The following PCDH9 variants were observed in gnomAD, a reference collection of about 807,000 sequenced individuals.
PCDH9 encodes the protein protocadherin-9.
A neutral mutation model predicts 70.6 loss-of-function variants in PCDH9; 24 were observed. That is an observed-to-expected ratio of 0.34 (90% CI 0.25 to 0.48). The LOEUF is 0.48. Among genes scored for constraint, PCDH9 ranks in the 20% least tolerant of loss-of-function variants. The probability of loss-of-function intolerance (pLI) is 0.99; values close to 1 mark genes in which losing one functional copy is unlikely to be tolerated. For missense variants in PCDH9, 1,281 were observed against 1,503.6 expected, an observed-to-expected ratio of 0.85 and a Z score of 2.45; for synonymous variants, 562 against 558.5, an observed-to-expected ratio of 1.01 and a Z score of -0.09.
intron 2 of PCDH9, among the ~76,000 whole-genome samples, chr13:67,010,831 G>A (rs1342629149): frequency 1.3e-5 from 2 of 151,776 alleles, no homozygotes; most frequent in African/African-American, 2.4e-5. Flanking sequence ...GAAACTAGTG[G>A]GTAAAGTAAA....
Position 67,028,012 on chromosome 13 carries a change from G to A in PCDH9, c.3037-124407C>T, listed in dbSNP as rs1369731688. 2.6e-3 allele frequency among the ~76,000 whole-genome samples: 383 copies of A among 148,636 alleles called. 1 individual carries two copies. Among genetic ancestry groups the A allele is most frequent in the African/African-American group, 8.5e-3 (343 of 40,130 alleles). ...CAACCATTGTGGAAGTCAGTGTGGC[G>A]ATTCCTCAGGGATCTAGAACTAGAA... On this transcript the variant is annotated intron_variant, in intron 2 of 4. Coordinates refer to ENST00000377865, the MANE Select transcript of PCDH9 (RefSeq NM_203487.3).
chr13:67,164,298 C>T (rs754054873), intron 2 of PCDH9, among the ~76,000 whole-genome samples: 3 of 151,992 alleles, frequency 2.0e-5, no homozygotes, highest in South Asian at 4.2e-4. Context: ...GAATATACGC[C>T]GGGCGCGGTG....
At chr13:66,776,020 T>G (rs1166898605) in intron 3 of PCDH9, among the ~76,000 whole-genome samples, 1 of 152,200 alleles carries the variant, frequency 6.6e-6, no homozygotes, top group Non-Finnish European at 1.5e-5. Flanking sequence ...TCAGGTCATT[T>G]GACACACTGC....
chr13:66,930,547 T>C (rs991276845), intron 2 of PCDH9, among the ~76,000 whole-genome samples: 1 of 152,122 alleles, frequency 6.6e-6, no homozygotes, highest in African/African-American at 2.4e-5. Context: ...ATGAAACCAT[T>C]TTTACAAGAT....
At chr13:66,609,826 A>T (rs2077268544) in intron 4 of PCDH9, among the ~76,000 whole-genome samples, 1 of 152,160 alleles carries the variant, frequency 6.6e-6, no homozygotes, top group African/African-American at 2.4e-5. Flanking sequence ...CTTCATTCAT[A>T]AAAATATACA....
intron 3 of PCDH9, among the ~76,000 whole-genome samples, chr13:66,785,415 A>C (rs1285384855): frequency 7.2e-5 from 11 of 151,942 alleles, no homozygotes; most frequent in Admixed American, 5.3e-4. Context: ...CCTTTACTCA[A>C]AAAGGTCACT....
At chr13:67,061,411 A>C (rs116431252) in intron 2 of PCDH9, among the ~76,000 whole-genome samples, 6,966 of 151,734 alleles carry the variant, frequency 0.046, 216 homozygotes, top group South Asian at 0.085. Context: ...CTCTCTCTCT[A>C]TATATATATG....
intron 4 of PCDH9, among the ~76,000 whole-genome samples, chr13:66,316,017 G>A (rs1955645891): frequency 6.6e-6 from 1 of 152,154 alleles, no homozygotes; most frequent in Admixed American, 6.5e-5. Context: ...TAGAAATTCT[G>A]AGGAAAGAAT....
At chr13:66,417,392 G>A (rs1389626770) in intron 4 of PCDH9, among the ~76,000 whole-genome samples, 1 of 152,170 alleles carries the variant, frequency 6.6e-6, no homozygotes, top group Non-Finnish European at 1.5e-5. Context: ...ATTCCATGGT[G>A]TATATGTGCC....
chr13:66,496,960 T>C (rs1188394410), intron 4 of PCDH9, among the ~76,000 whole-genome samples: 4 of 152,228 alleles, frequency 2.6e-5, no homozygotes, highest in Admixed American at 1.3e-4. Flanking sequence ...CAAGGCCACA[T>C]GATTTATGTA....
intron 3 of PCDH9, among the ~76,000 whole-genome samples, chr13:66,633,323 T>C (rs1208864753): frequency 1.3e-5 from 2 of 152,186 alleles, no homozygotes; most frequent in Non-Finnish European, 2.9e-5. Context: ...GTGAGTGCTA[T>C]AGAAAAGGCA....
At chr13:67,130,751 C>G (rs749324370) in intron 2 of PCDH9, among the ~76,000 whole-genome samples, 6 of 152,140 alleles carry the variant, frequency 3.9e-5, no homozygotes, top group Non-Finnish European at 8.8e-5. Context: ...TCCTGCCAGG[C>G]AGCAAGCCAT....
chr13:66,534,997 T>C (rs1960633695), intron 4 of PCDH9, among the ~76,000 whole-genome samples: 1 of 152,054 alleles, frequency 6.6e-6, no homozygotes, highest in Non-Finnish European at 1.5e-5. Context: ...GCTCCCAAAG[T>C]ACTAAATGGC....
At chr13:66,909,642 G>A (rs539404597) in intron 2 of PCDH9, among the ~76,000 whole-genome samples, 106 of 152,142 alleles carry the variant, frequency 7.0e-4, no homozygotes, top group African/African-American at 2.3e-3. Context: ...GGTGGCGGGC[G>A]CCTGTAGTCC....
chr13:66,979,639 T>C (rs935327421), intron 2 of PCDH9, among the ~76,000 whole-genome samples: 1 of 152,102 alleles, frequency 6.6e-6, no homozygotes, highest in African/African-American at 2.4e-5. Flanking sequence ...TCCTTCAAGA[T>C]CTCTACTTTC....
intron 3 of PCDH9, among the ~76,000 whole-genome samples, chr13:66,657,498 T>C: frequency 6.6e-6 from 1 of 152,274 alleles, no homozygotes; most frequent in South Asian, 2.1e-4. Flanking sequence ...GTCACAAGCA[T>C]AGTTTTTGCC....
intron 3 of PCDH9, among the ~76,000 whole-genome samples, chr13:66,836,562 A>ACCT (rs750751618): frequency 2.0e-5 from 3 of 152,122 alleles, no homozygotes; most frequent in African/African-American, 4.8e-5. Context: ...TTCTCTGTGC[A>ACCT]CCTACATCAG....
intron 2 of PCDH9, among the ~76,000 whole-genome samples, chr13:67,099,919 A>G (rs2086397319): frequency 6.6e-6 from 1 of 152,146 alleles, no homozygotes; most frequent in African/African-American, 2.4e-5. Context: ...AAATATAATA[A>G]TGGGTCCCCA....
intron 3 of PCDH9, among the ~76,000 whole-genome samples, chr13:66,632,444 G>C (rs574963934): frequency 1.4e-4 from 21 of 152,222 alleles, no homozygotes; most frequent in African/African-American, 4.3e-4. Context: ...TCTAATCTTT[G>C]GCTACACTGG....
Sources: allele counts gnomAD v4.1 joint callset (sites outside exome capture counted in the v4.1 genomes callset), GRCh38; gene constraint gnomAD v4.1.1; transcripts MANE v1.5; gene names NCBI Gene and HGNC (gene_info 2026-07-23, HGNC 2026-07-21).